PPP2R2C: variants seen among roughly 807,000 people sequenced by gnomAD.
PPP2R2C encodes the protein protein phosphatase 2 regulatory subunit Bgamma, also known as protein phosphatase 2, regulatory subunit B, gamma.
In PPP2R2C, 10 loss-of-function variants were observed where a neutral mutation model predicts 45.3. The observed-to-expected ratio is 0.22, with a 90% CI of 0.14 to 0.37. The LOEUF (loss-of-function observed/expected upper bound fraction) is 0.37. PPP2R2C is among the 10% of genes least tolerant of loss of function. The probability of loss-of-function intolerance (pLI) is 1.00; values close to 1 mark genes in which losing one functional copy is unlikely to be tolerated. For synonymous variants in PPP2R2C, 257 were observed against 245.4 expected, an observed-to-expected ratio of 1.05 and a Z score of -0.44; for missense variants, 308 against 619.7, an observed-to-expected ratio of 0.50 and a Z score of 5.34.
chr4:6,335,865 T>C (rs1732805691), intron 6 of PPP2R2C, among the ~76,000 whole-genome samples: 1 of 152,078 alleles, frequency 6.6e-6, no homozygotes, highest in Non-Finnish European at 1.5e-5. Context: ...CCCACCTCTC[T>C]TGAGAGCAAG....
At chr4:6,389,147 A>T (rs1716428278) in intron 1 of PPP2R2C, among the ~76,000 whole-genome samples, 1 of 152,224 alleles carries the variant, frequency 6.6e-6, no homozygotes, top group African/African-American at 2.4e-5. Context: ...CCTCATGGAT[A>T]CAATGGGAAT....
intron 6 of PPP2R2C, among the ~76,000 whole-genome samples, chr4:6,337,112 GTATATATATATATATATATATATATATA>G (rs61657951): frequency 2.7e-3 from 82 of 30,122 alleles, no homozygotes; most frequent in Middle Eastern, 0.083. Flanking sequence ...ATGTGTGTGT[GTATATATATATATATATATATATATATA>G]TATATATATA....
At chr4:6,369,797 C>T (rs994216403) in intron 5 of PPP2R2C, among the ~76,000 whole-genome samples, 5 of 152,304 alleles carry the variant, frequency 3.3e-5, no homozygotes, top group Admixed American at 6.5e-5. Context: ...AGGATGACTC[C>T]CTCACTTCCA....
chr4:6,447,807 G>A (rs12163752), intron 1 of PPP2R2C, among the ~76,000 whole-genome samples: 12,003 of 152,050 alleles, frequency 0.079, 900 homozygotes, highest in East Asian at 0.37. Context: ...GTTTTCTCCC[G>A]TGCCTCAGCT....
chr4:6,396,469 A>G (rs551493630), intron 1 of PPP2R2C, among the ~76,000 whole-genome samples: 1 of 152,296 alleles, frequency 6.6e-6, no homozygotes, highest in South Asian at 2.1e-4. Flanking sequence ...GCTGCTGCCC[A>G]TGGGTTATCG....
In PPP2R2C at chr4:6,321,366, G is replaced by A. The variant is rs1054640947; in HGVS notation, c.*1936C>T. The A allele has an allele frequency of 4.6e-5, 7 of 152,358 alleles. No homozygotes were observed. The highest frequency in any genetic ancestry group is 7.4e-5 in the Non-Finnish European group (5 of 67,998). The allele number at this position is 152,358 out of a possible 1,614,324, so 9.4% of individuals were successfully genotyped here. On this transcript the variant is annotated 3_prime_UTR_variant, in exon 9 of 9. Transcript: ENST00000382599. Reference sequence around the variant, plus strand: ...CACATTCTCGAACCTCTTTACAAGGGGGAAAAAAGTAATCCAATCCTTTGA... The same window carrying A: ...CACATTCTCGAACCTCTTTACAAGGAGGAAAAAAGTAATCCAATCCTTTGA...
chr4:6,560,165 C>G (rs1725530528), intron 1 of PPP2R2C, among the ~76,000 whole-genome samples: 1 of 152,176 alleles, frequency 6.6e-6, no homozygotes, highest in Non-Finnish European at 1.5e-5. Context: ...GGGCAGGGAG[C>G]AGCCCCATGC....
At chr4:6,535,435 C>T in intron 1 of PPP2R2C, 1 of 1,133,328 alleles carries the variant, frequency 8.8e-7, no homozygotes, top group Non-Finnish European at 1.2e-6. Flanking sequence ...TGCATGCACG[C>T]CGCCACACAC....
At chr4:6,342,998 T>C (rs1733570896) in intron 6 of PPP2R2C, among the ~76,000 whole-genome samples, 1 of 152,130 alleles carries the variant, frequency 6.6e-6, no homozygotes, top group African/African-American at 2.4e-5. Flanking sequence ...GGGGTGTCAC[T>C]ATCAGCCACT....
At chr4:6,435,954 A>T (rs758726868) in intron 1 of PPP2R2C, among the ~76,000 whole-genome samples, 1 of 152,236 alleles carries the variant, frequency 6.6e-6, no homozygotes, top group East Asian at 1.9e-4. Context: ...TTAGCCCCCA[A>T]TGTGATGGTC....
At chr4:6,413,758 G>T in intron 1 of PPP2R2C, 2 of 1,049,736 alleles carry the variant, frequency 1.9e-6, no homozygotes, top group South Asian at 1.6e-5. Flanking sequence ...GGTGGTGGCA[G>T]CTGGGGTCAC....
At chr4:6,465,095 T>C (rs541180933) in intron 1 of PPP2R2C, among the ~76,000 whole-genome samples, 315 of 152,154 alleles carry the variant, frequency 2.1e-3, no homozygotes, top group Middle Eastern at 0.017. Context: ...TCACCCCTCT[T>C]CCTTGCTGGG....
At chr4:6,458,632 T>C (rs986253703) in intron 1 of PPP2R2C, among the ~76,000 whole-genome samples, 1 of 152,188 alleles carries the variant, frequency 6.6e-6, no homozygotes, top group Non-Finnish European at 1.5e-5. Context: ...GCAGCACAAC[T>C]ACATGCTTTG....
intron 2 of PPP2R2C, among the ~76,000 whole-genome samples, chr4:6,497,197 C>A (rs895068475): frequency 6.6e-6 from 1 of 152,090 alleles, no homozygotes; most frequent in African/African-American, 2.4e-5. Flanking sequence ...ATCATGGGTG[C>A]AAGAGGAAGA....
intron 1 of PPP2R2C, chr4:6,384,128 G>T (rs546899586): frequency 1.0e-6 from 1 of 985,254 alleles, no homozygotes. Context: ...TTGTCCCTCC[G>T]TGGGGCAGCC....
chr4:6,418,598 C>T (rs981255421), intron 1 of PPP2R2C, among the ~76,000 whole-genome samples: 1 of 152,124 alleles, frequency 6.6e-6, no homozygotes. Context: ...ACCCTCAACA[C>T]CCCCCACATA....
chr4:6,372,498 C>G (rs368962248), intron 5 of PPP2R2C, 25 bp downstream of exon 5: 203 of 1,536,812 alleles, frequency 1.3e-4, no homozygotes, highest in Non-Finnish European at 1.8e-4. Context: ...GTGGGAGGCA[C>G]TGGCCAGGCC....
chr4:6,363,911 A>G (rs1448994629), intron 5 of PPP2R2C, among the ~76,000 whole-genome samples: 1 of 152,200 alleles, frequency 6.6e-6, no homozygotes, highest in African/African-American at 2.4e-5. Context: ...CCTCAGTGTC[A>G]ATGCCTTTCC....
chr4:6,445,241 G>A (rs914430664), intron 1 of PPP2R2C, among the ~76,000 whole-genome samples: 8 of 151,660 alleles, frequency 5.3e-5, no homozygotes, highest in African/African-American at 1.9e-4. Context: ...ACTTTTTCAA[G>A]GTCATTCCTG....
Sources: gnomAD v4.1 joint callset for allele counts (sites outside exome capture counted in the v4.1 genomes callset) on GRCh38, gnomAD v4.1.1 for gene constraint, MANE v1.5 for transcripts, NCBI Gene and HGNC (gene_info 2026-07-23, HGNC 2026-07-21) for gene names.